Variants in PDE4D observed in about 807,000 individuals in gnomAD.
The protein encoded by PDE4D is phosphodiesterase 4D, also known as 3',5'-cyclic-AMP phosphodiesterase 4D.
Under a neutral mutation model 87.4 loss-of-function variants are expected in PDE4D, and 24 were observed. The ratio of observed to expected loss-of-function variants is 0.27; its 90% CI spans 0.20 to 0.39. PDE4D has a LOEUF of 0.39. Ranked by LOEUF, PDE4D falls within the 10% of genes least tolerant of loss-of-function variation. The pLI is 1.00. For synonymous variants in PDE4D, 384 were observed against 383.2 expected, an observed-to-expected ratio of 1.00 and a Z score of -0.02; for missense variants, 714 against 1,041.0, an observed-to-expected ratio of 0.69 and a Z score of 4.32.
chr5:60,399,332 A>C (rs1422134646), intron 1 of PDE4D, among the ~76,000 whole-genome samples: 2 of 152,236 alleles, frequency 1.3e-5, no homozygotes, highest in Non-Finnish European at 2.9e-5. Context: ...AAGAATAAAG[A>C]TGTCAGCAAG....
At chr5:59,362,195 C>T (rs965411012) in intron 1 of PDE4D, among the ~76,000 whole-genome samples, 2 of 152,280 alleles carry the variant, frequency 1.3e-5, no homozygotes, top group East Asian at 3.9e-4. Flanking sequence ...TTTAGGCACA[C>T]ACTACTGATG....
At chr5:60,464,893 G>A (rs1389685809) in intron 1 of PDE4D, among the ~76,000 whole-genome samples, 2 of 152,154 alleles carry the variant, frequency 1.3e-5, no homozygotes, top group Non-Finnish European at 2.9e-5. Flanking sequence ...TGGGAAGCCA[G>A]GATTTCAATA....
chr5:60,307,171 A>T (rs1754573331), intron 1 of PDE4D, among the ~76,000 whole-genome samples: 1 of 152,190 alleles, frequency 6.6e-6, no homozygotes, highest in Non-Finnish European at 1.5e-5. Context: ...TCACAACAAG[A>T]GTTGTAAATA....
chr5:60,210,754 A>ATTTTTT (rs36007402), intron 1 of PDE4D, among the ~76,000 whole-genome samples: 1,973 of 145,910 alleles, frequency 0.014, 18 homozygotes, highest in Middle Eastern at 0.032. Flanking sequence ...GGGTTTCCTA[A>ATTTTTT]TTTTTTTTTT....
At chr5:59,388,519 CAA>C (rs1356187651) in intron 1 of PDE4D, among the ~76,000 whole-genome samples, 1 of 151,842 alleles carries the variant, frequency 6.6e-6, no homozygotes, top group African/African-American at 2.4e-5. Flanking sequence ...ATCAGTGTGT[CAA>C]AAAGATATTT....
At chr5:59,786,357 C>T (rs563054847) in intron 1 of PDE4D, among the ~76,000 whole-genome samples, 18 of 152,252 alleles carry the variant, frequency 1.2e-4, no homozygotes, top group African/African-American at 4.3e-4. Context: ...GGCTGTAGTC[C>T]AATTGCTTCC....
At chr5:59,393,660 T>C (rs1788692522) in intron 1 of PDE4D, among the ~76,000 whole-genome samples, 1 of 152,198 alleles carries the variant, frequency 6.6e-6, no homozygotes, top group Non-Finnish European at 1.5e-5. Context: ...ACAATATACT[T>C]TGTGAATCCT....
chr5:59,796,186 T>A (rs1766459481), intron 1 of PDE4D, among the ~76,000 whole-genome samples: 1 of 152,210 alleles, frequency 6.6e-6, no homozygotes. Flanking sequence ...GTCTGGTGTC[T>A]TGGGAGAAAT....
intron 1 of PDE4D, among the ~76,000 whole-genome samples, chr5:59,254,803 C>T (rs371285621): frequency 6.6e-5 from 10 of 152,228 alleles, no homozygotes; most frequent in African/African-American, 2.2e-4. Flanking sequence ...CTACCATCAC[C>T]TTAAGTGCAT....
At chr5:59,238,458 A>G (rs1440002114) in intron 1 of PDE4D, among the ~76,000 whole-genome samples, 1 of 152,202 alleles carries the variant, frequency 6.6e-6, no homozygotes, top group African/African-American at 2.4e-5. Flanking sequence ...TGCATTTTGT[A>G]TTTAAACATA....
At chr5:59,897,778 C>G (rs1751815527), upstream of PDE4D, among the ~76,000 whole-genome samples, 1 of 152,042 alleles carries the variant, frequency 6.6e-6, no homozygotes, top group African/African-American at 2.4e-5. Flanking sequence ...TCTTGATGCC[C>G]AACAGTCAGC....
intron 1 of PDE4D, among the ~76,000 whole-genome samples, chr5:59,824,807 A>C (rs1770126911): frequency 6.6e-6 from 1 of 152,122 alleles, no homozygotes; most frequent in African/African-American, 2.4e-5. Flanking sequence ...ATCCCAGCTC[A>C]AATTCTCACT....
Position 60,219,356 on chromosome 5 carries a change from T to C in PDE4D, c.-89-33669A>G, listed in dbSNP as rs193147495. Among the ~76,000 whole-genome samples, 9 of 152,304 alleles carry C rather than the reference T, an allele frequency of 5.9e-5. No individual in the cohort carries two copies. In the East Asian group the frequency reaches 1.5e-3, roughly 26 times the overall value. On this transcript the variant is annotated intron_variant, in intron 1 of 16. Transcript: ENST00000502484. ...TGCTACTGGAATAATCTGTTTTATG[T>C]TTGTTTCACTGACATAATCTAGTAG... is the stretch of plus-strand genomic sequence containing the variant.
intron 1 of PDE4D, among the ~76,000 whole-genome samples, chr5:60,337,718 G>A (rs1757938418): frequency 1.3e-5 from 2 of 151,938 alleles, no homozygotes; most frequent in South Asian, 2.1e-4. Flanking sequence ...AGTATCACCA[G>A]AGTAAATGCC....
intron 5 of PDE4D, among the ~76,000 whole-genome samples, chr5:59,115,547 A>T (rs901578492): frequency 6.6e-6 from 1 of 152,174 alleles, no homozygotes; most frequent in African/African-American, 2.4e-5. Context: ...AAATATGAAC[A>T]TACATTTCTC....
intron 11 of PDE4D, among the ~76,000 whole-genome samples, chr5:58,987,129 G>C (rs1158254956): frequency 1.3e-5 from 2 of 152,144 alleles, no homozygotes; most frequent in African/African-American, 4.8e-5. Context: ...TGACCTCCCT[G>C]CTCTTCTTAG....
At chr5:59,752,930 CA>C (rs1272888372) in intron 1 of PDE4D, among the ~76,000 whole-genome samples, 5 of 152,144 alleles carry the variant, frequency 3.3e-5, no homozygotes, top group Admixed American at 6.6e-5. Context: ...CAGGGATCGG[CA>C]AATTACGGCC....
At position 60,440,212 on chromosome 5, in the gene PDE4D, T is replaced by C. The variant is rs144629098; in HGVS notation, c.-90+47730A>G. 3.3e-3 allele frequency among the ~76,000 whole-genome samples: 497 copies of C among 152,266 alleles called. 4 individuals are homozygous for C. The highest frequency in any genetic ancestry group is 0.011 in the African/African-American group (467 of 41,558). ...TATACTTATGCATCCAAAACAATAC[T>C]CTTGTCATTTTTGACTAGTTTGATA... On this transcript the variant is annotated intron_variant, in intron 1 of 16. Coordinates refer to the PDE4D transcript ENST00000502484.
chr5:60,274,735 C>G (rs1309856267), intron 1 of PDE4D, among the ~76,000 whole-genome samples: 3 of 152,180 alleles, frequency 2.0e-5, no homozygotes, highest in Non-Finnish European at 4.4e-5. Context: ...GAAAACCAAG[C>G]AGAGATCATT....
Sources: allele counts gnomAD v4.1 joint callset (sites outside exome capture counted in the v4.1 genomes callset), GRCh38; gene constraint gnomAD v4.1.1; transcripts MANE v1.5; gene names NCBI Gene and HGNC (gene_info 2026-07-23, HGNC 2026-07-21).